ROBO2: variants seen among roughly 807,000 people sequenced by gnomAD.
ROBO2 encodes the protein roundabout guidance receptor 2.
ROBO2 carries 53 observed loss-of-function variants against 160.8 expected under a neutral mutation model. The observed-to-expected ratio is 0.33, with a 90% CI of 0.26 to 0.41. The LOEUF (loss-of-function observed/expected upper bound fraction) is 0.41. Among genes scored for constraint, ROBO2 ranks in the 10% least tolerant of loss-of-function variants. ROBO2 has a pLI of 1.00. For synonymous variants in ROBO2, 664 were observed against 611.7 expected (o/e 1.09, Z -1.26); for missense variants, 1,577 against 1,722.4 (o/e 0.92, Z 1.49).
intron 2 of ROBO2, among the ~76,000 whole-genome samples, chr3:76,993,698 G>A (rs2060822330): frequency 6.6e-6 from 1 of 152,046 alleles, no homozygotes; most frequent in African/African-American, 2.4e-5. Flanking sequence ...ATGGGAAGGG[G>A]TCCTGAGACT....
At chr3:77,126,526 G>A (rs559287373) in intron 2 of ROBO2, among the ~76,000 whole-genome samples, 10 of 151,766 alleles carry the variant, frequency 6.6e-5, no homozygotes, top group East Asian at 5.8e-4. Flanking sequence ...AATATATATC[G>A]GCTTATTTTA....
intron 2 of ROBO2, among the ~76,000 whole-genome samples, chr3:77,375,023 A>G (rs1312804485): frequency 4.6e-5 from 7 of 152,152 alleles, no homozygotes; most frequent in Admixed American, 3.3e-4. Flanking sequence ...AGCCTGGGCA[A>G]CATAGCAAGA....
chr3:76,520,934 G>C lies in ROBO2; in HGVS notation c.110-577080G>C, dbSNP rs543938857. Among the ~76,000 whole-genome samples, 6 of 151,514 alleles carry C rather than the reference G, an allele frequency of 4.0e-5. No individual in the cohort carries two copies. The South Asian group carries it at 1.3e-3, about 32-fold the overall frequency. ...TAGAGTGAGTTCCCAGTATACTATA[G>C]AAAACATTGAATTCTCTTCTTCATT... On this transcript the variant is annotated intron_variant, in intron 2 of 26. Coordinates refer to the ROBO2 transcript ENST00000487694.
chr3:76,261,693 CCCTCT>C (rs1706777267), intron 2 of ROBO2, among the ~76,000 whole-genome samples: 1 of 151,776 alleles, frequency 6.6e-6, no homozygotes, highest in African/African-American at 2.4e-5. Context: ...ATTAAATAAG[CCCTCT>C]CCTCATCGTA....
chr3:77,646,292 AC>A (rs2095412252), exon 26 of ROBO2: 2 of 399,474 alleles, frequency 5.0e-6, no homozygotes, highest in South Asian at 1.1e-4. Context: ...AAGAAAGAAA[AC>A]AAAACTCGCC....
At chr3:77,517,530 G>A (rs909775734) in intron 5 of ROBO2, among the ~76,000 whole-genome samples, 20 of 151,588 alleles carry the variant, frequency 1.3e-4, no homozygotes, top group Admixed American at 2.6e-4. Context: ...TCAGATTTAT[G>A]TTTATCAATC....
At chr3:76,073,441 G>A (rs984732095) in intron 2 of ROBO2, among the ~76,000 whole-genome samples, 1 of 150,718 alleles carries the variant, frequency 6.6e-6, no homozygotes, top group African/African-American at 2.4e-5. Context: ...TACAGGCGCC[G>A]CCCCCACGCC....
chr3:76,240,548 T>A (rs1198733711), intron 2 of ROBO2, among the ~76,000 whole-genome samples: 1 of 152,190 alleles, frequency 6.6e-6, no homozygotes. Flanking sequence ...TGAAGCATGT[T>A]TTAGAGACAT....
intron 2 of ROBO2, among the ~76,000 whole-genome samples, chr3:76,074,715 T>C (rs138226820): frequency 2.0e-5 from 3 of 152,240 alleles, no homozygotes; most frequent in African/African-American, 7.2e-5. Context: ...CTGTTCATAG[T>C]AAAATAGTCA....
intron 2 of ROBO2, among the ~76,000 whole-genome samples, chr3:76,005,998 A>T (rs935456027): frequency 6.6e-6 from 1 of 152,202 alleles, no homozygotes; most frequent in East Asian, 1.9e-4. Context: ...CTGTACAAAA[A>T]TACATATGTG....
In ROBO2 at chr3:76,639,550, T is replaced by C. The variant is rs536870063; in HGVS notation, c.110-458464T>C. Reference sequence around the variant, plus strand: ...AAACGAGGAGCAGTTTCTCATCAAATAGTTATTGTTCACAAAATGTCTATA... The same window carrying C: ...AAACGAGGAGCAGTTTCTCATCAAACAGTTATTGTTCACAAAATGTCTATA... On this transcript the variant is annotated intron_variant, in intron 2 of 26. Transcript: ENST00000487694. 3.9e-5 allele frequency among the ~76,000 whole-genome samples: 6 copies of C among 152,042 alleles called. No homozygotes were observed. The East Asian group carries it at 1.2e-3, about 29-fold the overall frequency.
chr3:76,359,677 G>T (rs939464099), intron 2 of ROBO2, among the ~76,000 whole-genome samples: 23 of 151,926 alleles, frequency 1.5e-4, no homozygotes, highest in Admixed American at 1.1e-3. Flanking sequence ...CTTTGGTATT[G>T]TTACTGGATT....
intron 2 of ROBO2, among the ~76,000 whole-genome samples, chr3:75,985,718 A>G (rs2065396067): frequency 1.3e-5 from 2 of 151,554 alleles, no homozygotes; most frequent in Admixed American, 1.3e-4. Context: ...CCCATTAATC[A>G]ATATATATCT....
intron 2 of ROBO2, among the ~76,000 whole-genome samples, chr3:76,296,049 C>G (rs1364055935): frequency 1.3e-5 from 2 of 152,126 alleles, no homozygotes. Flanking sequence ...TGAATACTAC[C>G]TTATTTGGAA....
intron 2 of ROBO2, among the ~76,000 whole-genome samples, chr3:76,779,967 A>C (rs948836771): frequency 6.6e-6 from 1 of 150,668 alleles, no homozygotes; most frequent in Non-Finnish European, 1.5e-5. Flanking sequence ...CCTTGAAGAA[A>C]CTCCATAGTA....
chr3:76,764,361 T>G (rs571102075), intron 2 of ROBO2, among the ~76,000 whole-genome samples: 3 of 151,856 alleles, frequency 2.0e-5, no homozygotes, highest in African/African-American at 7.2e-5. Context: ...CACATTCTAT[T>G]GTAACTGTAT....
intron 2 of ROBO2, among the ~76,000 whole-genome samples, chr3:76,462,784 G>A (rs1204898719): frequency 1.3e-5 from 2 of 152,166 alleles, no homozygotes; most frequent in African/African-American, 4.8e-5. Flanking sequence ...GTGAATTACT[G>A]TCGGTCATTG....
chr3:76,493,506 A>AT (rs914102755), intron 2 of ROBO2, among the ~76,000 whole-genome samples: 17 of 151,712 alleles, frequency 1.1e-4, no homozygotes, highest in African/African-American at 3.1e-4. Flanking sequence ...TCCATATCCA[A>AT]TTTTTTTGGA....
chr3:77,527,404 T>C, intron 6 of ROBO2: 1 of 1,288,298 alleles, frequency 7.8e-7, no homozygotes, highest in Non-Finnish European at 1.0e-6. Flanking sequence ...TGTCTACAGC[T>C]CGCCCTGTTG....
Sources: allele counts gnomAD v4.1 joint callset (sites outside exome capture counted in the v4.1 genomes callset), GRCh38; gene constraint gnomAD v4.1.1; transcripts MANE v1.5; gene names NCBI Gene and HGNC (gene_info 2026-07-23, HGNC 2026-07-21).